The following LRRC8D variants were observed in gnomAD, a reference collection of about 807,000 sequenced individuals.
The protein encoded by LRRC8D is leucine rich repeat containing 8 VRAC subunit D.
LRRC8D carries 20 observed loss-of-function variants against 55.8 expected under a neutral mutation model. That is an observed-to-expected ratio of 0.36 (90% CI 0.25 to 0.52). The LOEUF (loss-of-function observed/expected upper bound fraction) is 0.52. LRRC8D is among the 20% of genes least tolerant of loss of function. The pLI is 0.93. For synonymous variants in LRRC8D, 352 were observed against 377.0 expected (o/e 0.93, Z 0.77); for missense variants, 651 against 1,030.8 (o/e 0.63, Z 5.05).
intron 2 of LRRC8D, among the ~76,000 whole-genome samples, chr1:89,847,223 G>A (rs1661303792): frequency 6.6e-6 from 1 of 152,060 alleles, no homozygotes; most frequent in Non-Finnish European, 1.5e-5. Flanking sequence ...TTGTTATACT[G>A]CAAATTAAAA....
rs76374280 is a variant in LRRC8D, at chr1:89,909,064, T to C, written c.-2-24003T>C. Among the ~76,000 whole-genome samples the C allele has an allele frequency of 4.7e-3, 719 of 152,190 alleles. 13 individuals are homozygous for C. Among genetic ancestry groups the C allele is most frequent in the East Asian group, 0.036 (188 of 5,186 alleles). On this transcript the variant is annotated intron_variant, in intron 2 of 2. Coordinates refer to ENST00000337338, the MANE Select transcript of LRRC8D (RefSeq NM_001134479.2). ...TGTGTGTCTGTGTGTGTGTCTGAAA[T>C]TCCCATGATGCTGCCTGAGATGGCT...
intron 2 of LRRC8D, among the ~76,000 whole-genome samples, chr1:89,881,323 G>A (rs1406504031): frequency 6.6e-6 from 1 of 152,120 alleles, no homozygotes; most frequent in Non-Finnish European, 1.5e-5. Context: ...TCCAGCTGAG[G>A]GTGGGGAGGA....
At chr1:89,914,003 G>T (rs1222490341) in intron 2 of LRRC8D, among the ~76,000 whole-genome samples, 1 of 152,188 alleles carries the variant, frequency 6.6e-6, no homozygotes, top group Non-Finnish European at 1.5e-5. Context: ...GGGAAATGCT[G>T]TTTTAATGGT....
chr1:89,844,957 TG>T (rs1661237130), intron 2 of LRRC8D, among the ~76,000 whole-genome samples: 1 of 152,206 alleles, frequency 6.6e-6, no homozygotes, highest in Non-Finnish European at 1.5e-5. Flanking sequence ...GGAAGGGATG[TG>T]AGCATATGAC....
At chr1:89,927,985 A>G (rs937117672) in intron 2 of LRRC8D, among the ~76,000 whole-genome samples, 2 of 152,224 alleles carry the variant, frequency 1.3e-5, no homozygotes, top group Non-Finnish European at 2.9e-5. Context: ...AGAGTAGGGC[A>G]TGGTGGATTA....
chr1:89,870,083 G>A (rs534161056), intron 2 of LRRC8D, among the ~76,000 whole-genome samples: 1 of 151,986 alleles, frequency 6.6e-6, no homozygotes, highest in African/African-American at 2.4e-5. Context: ...ACTCCAGCCT[G>A]GGTGACAGAG....
At chr1:89,851,408 C>T (rs756315630) in intron 2 of LRRC8D, among the ~76,000 whole-genome samples, 10 of 152,162 alleles carry the variant, frequency 6.6e-5, no homozygotes, top group South Asian at 4.2e-4. Context: ...TATTCTTCCC[C>T]GTCTGCAATT....
chr1:89,886,098 A>G, intron 2 of LRRC8D, among the ~76,000 whole-genome samples: 1 of 152,184 alleles, frequency 6.6e-6, no homozygotes, highest in East Asian at 1.9e-4. Context: ...TCTGTTCCAT[A>G]TTATACCTCA....
rs1379823129 is a variant in LRRC8D at position 89,830,585 on chromosome 1, C to T, written c.-148+9294C>T. 2.0e-5 allele frequency among the ~76,000 whole-genome samples: 3 copies of T among 152,112 alleles called. No individual in the cohort carries two copies. In the East Asian group the frequency reaches 5.8e-4, roughly 29 times the overall value. Reference sequence around the variant, plus strand: ...AGTGTGCCTCAGAGATGATTTGTGGCAGCAGGCACTCGCCCTCAGGGTGGG... The same window carrying T: ...AGTGTGCCTCAGAGATGATTTGTGGTAGCAGGCACTCGCCCTCAGGGTGGG... On this transcript the variant is annotated intron_variant, in intron 1 of 2. Transcript: ENST00000337338.
intron 2 of LRRC8D, among the ~76,000 whole-genome samples, chr1:89,875,014 C>G (rs939686014): frequency 1.3e-5 from 2 of 152,136 alleles, no homozygotes; most frequent in East Asian, 3.8e-4. Flanking sequence ...GAGGCAACTT[C>G]TCTTACCTGT....
At chr1:89,907,094 A>G (rs959648859) in intron 2 of LRRC8D, among the ~76,000 whole-genome samples, 5 of 145,580 alleles carry the variant, frequency 3.4e-5, no homozygotes, top group Admixed American at 2.1e-4. Context: ...CAGGAAGGCT[A>G]TTTTCATGTA....
chr1:89,935,899 G>T lies in LRRC8D; in HGVS notation c.*254G>T. ...AGGAAAAATTATAATCACTAATCTTGGTTCTTTTTAAATTGTTTGTAACTT... is the reference window on the plus strand; with the variant it reads ...AGGAAAAATTATAATCACTAATCTTTGTTCTTTTTAAATTGTTTGTAACTT... On this transcript the variant is annotated 3_prime_UTR_variant, in exon 3 of 3. Transcript: ENST00000337338. 1 of 338,594 alleles carries T rather than the reference G, an allele frequency of 3.0e-6. No homozygotes were observed. Among genetic ancestry groups the T allele is most frequent in the South Asian group, 7.4e-5 (1 of 13,514 alleles). 21.0% of individuals were successfully genotyped at this position (338,594 alleles called of 1,614,324 possible).
chr1:89,822,407 C>G (rs1376890636), intron 1 of LRRC8D, among the ~76,000 whole-genome samples: 1 of 152,200 alleles, frequency 6.6e-6, no homozygotes, highest in Non-Finnish European at 1.5e-5. Flanking sequence ...TATTTGGCTC[C>G]TCGTTGCCTC....
At chr1:89,890,203 A>AAAT (rs1312923343) in intron 2 of LRRC8D, among the ~76,000 whole-genome samples, 1 of 146,878 alleles carries the variant, frequency 6.8e-6, no homozygotes, top group African/African-American at 2.7e-5. Flanking sequence ...ATAAATAAAT[A>AAAT]AAATAAAATA....
intron 1 of LRRC8D, among the ~76,000 whole-genome samples, chr1:89,828,694 C>T (rs1195597636): frequency 6.6e-6 from 1 of 152,132 alleles, no homozygotes; most frequent in Non-Finnish European, 1.5e-5. Context: ...CCCCTTGACA[C>T]CTCCTTTTGG....
At chr1:89,865,649 G>A (rs768795204) in intron 2 of LRRC8D, among the ~76,000 whole-genome samples, 93 of 152,072 alleles carry the variant, frequency 6.1e-4, no homozygotes, top group Non-Finnish European at 9.6e-4. Flanking sequence ...GCTAGCTCAG[G>A]ACTATCAGAA....
intron 1 of LRRC8D, among the ~76,000 whole-genome samples, chr1:89,837,706 A>C (rs1480942507): frequency 6.6e-6 from 1 of 152,254 alleles, no homozygotes; most frequent in Non-Finnish European, 1.5e-5. Context: ...GGGTTAGTTA[A>C]AAAATTGATG....
chr1:89,896,818 A>G (rs1280103882), intron 2 of LRRC8D, among the ~76,000 whole-genome samples: 12 of 152,216 alleles, frequency 7.9e-5, no homozygotes, highest in African/African-American at 1.2e-4. Flanking sequence ...TTAATAAACA[A>G]GCTAAATCTA....
At chr1:89,889,524 C>G (rs1662507854) in intron 2 of LRRC8D, among the ~76,000 whole-genome samples, 1 of 151,636 alleles carries the variant, frequency 6.6e-6, no homozygotes, top group African/African-American at 2.4e-5. Flanking sequence ...ATTGTAACTC[C>G]TGGCAGTAAC....
Sources: allele counts gnomAD v4.1 joint callset (sites outside exome capture counted in the v4.1 genomes callset), GRCh38; gene constraint gnomAD v4.1.1; transcripts MANE v1.5; gene names NCBI Gene and HGNC (gene_info 2026-07-23, HGNC 2026-07-21).